Variants in CYFIP2 observed in about 807,000 individuals in gnomAD.
The protein encoded by CYFIP2 is cytoplasmic FMR1 interacting protein 2, also known as cytoplasmic FMR1-interacting protein 2.
A neutral mutation model predicts 158.7 loss-of-function variants in CYFIP2; 29 were observed. The observed-to-expected ratio is 0.18, with a 90% CI of 0.14 to 0.25. The LOEUF is 0.25. Ranked by LOEUF, CYFIP2 falls within the 10% of genes least tolerant of loss-of-function variation. The probability of loss-of-function intolerance (pLI) is 1.00; values close to 1 mark genes in which losing one functional copy is unlikely to be tolerated. For synonymous variants in CYFIP2, 585 were observed against 617.6 expected (o/e 0.95, Z 0.78); for missense variants, 852 against 1,639.5 (o/e 0.52, Z 8.29).
At chr5:157,390,188 T>C (rs749124500) in intron 29 of CYFIP2, among the ~76,000 whole-genome samples, 1 of 152,214 alleles carries the variant, frequency 6.6e-6, no homozygotes, top group Non-Finnish European at 1.5e-5. Flanking sequence ...GATTCTCCTT[T>C]GACCTGCACG....
intron 7 of CYFIP2, among the ~76,000 whole-genome samples, chr5:157,303,814 C>A (rs1313816649): frequency 6.6e-6 from 1 of 151,776 alleles, no homozygotes; most frequent in Non-Finnish European, 1.5e-5. Flanking sequence ...GAGGGAGACA[C>A]CTGCCCCCCT....
chr5:157,355,464 C>G lies in CYFIP2; in HGVS notation c.2674-3541C>G, dbSNP rs558564880. Among the ~76,000 whole-genome samples the G allele has an allele frequency of 5.3e-5, 8 of 152,232 alleles. No homozygotes were observed. The South Asian group carries it at 1.5e-3, about 28-fold the overall frequency. On this transcript the variant is annotated intron_variant, in intron 23 of 30. Coordinates refer to ENST00000620254, the MANE Select transcript of CYFIP2 (RefSeq NM_001037333.3). ...GATCACATTTAAACCTCAAACAACC[C>G]TATTGGATTTGGTATTATCATCTCT...
intron 23 of CYFIP2, among the ~76,000 whole-genome samples, chr5:157,349,222 C>G (rs1369622530): frequency 6.6e-6 from 1 of 152,164 alleles, no homozygotes; most frequent in East Asian, 1.9e-4. Context: ...GTGCACCCAT[C>G]ATACGAGCAG....
intron 12 of CYFIP2, 61 bp downstream of exon 12, chr5:157,314,524 T>C (rs1759983676): frequency 1.3e-6 from 2 of 1,579,774 alleles, no homozygotes; most frequent in East Asian, 4.5e-5. Context: ...TCTGCCTCCA[T>C]CTCCCCCTAG....
At chr5:157,351,503 G>A (rs1232606129) in intron 23 of CYFIP2, among the ~76,000 whole-genome samples, 1 of 149,548 alleles carries the variant, frequency 6.7e-6, no homozygotes, top group East Asian at 1.9e-4. Flanking sequence ...CATTTAACAT[G>A]TGTGTTCTCG....
At chr5:157,295,501 A>T (rs1215309344) in intron 4 of CYFIP2, among the ~76,000 whole-genome samples, 1 of 152,226 alleles carries the variant, frequency 6.6e-6, no homozygotes, top group Non-Finnish European at 1.5e-5. Flanking sequence ...TCTAGGCCCC[A>T]GCAATAACTA....
intron 26 of CYFIP2, among the ~76,000 whole-genome samples, chr5:157,367,304 T>G (rs1455527560): frequency 1.3e-5 from 2 of 152,212 alleles, no homozygotes; most frequent in Non-Finnish European, 2.9e-5. Context: ...ATTCCAGTAG[T>G]ACCCTTCATT....
intron 26 of CYFIP2, among the ~76,000 whole-genome samples, chr5:157,374,744 G>T (rs1765304409): frequency 6.6e-6 from 1 of 152,170 alleles, no homozygotes; most frequent in African/African-American, 2.4e-5. Flanking sequence ...CTTTTTCAAG[G>T]CAGCATGGGG....
Position 157,311,947 on chromosome 5 carries a change from G to A in CYFIP2, c.1110+166G>A, listed in dbSNP as rs535067349. 2.6e-5 allele frequency among the ~76,000 whole-genome samples: 4 copies of A among 152,346 alleles called. No homozygotes were observed. The highest frequency in any genetic ancestry group is 6.5e-5 in the Admixed American group (1 of 15,306). On this transcript the variant is annotated intron_variant, in intron 11 of 30. Transcript: ENST00000620254. This position sits in a 1 kb window ranked among gnomAD's most constrained non-coding sequence, Gnocchi z 4.7. Reference sequence around the variant, plus strand: ...GGGTTTTGGAGCCAGGCAGACTGGGGTGAATTCTGGTGGTGCTGCTGCCCT... The same window carrying A: ...GGGTTTTGGAGCCAGGCAGACTGGGATGAATTCTGGTGGTGCTGCTGCCCT...
chr5:157,283,372 C>G (rs982857031), intron 1 of CYFIP2, among the ~76,000 whole-genome samples: 2 of 152,058 alleles, frequency 1.3e-5, no homozygotes, highest in Non-Finnish European at 2.9e-5. Context: ...ATCATTATGC[C>G]CAGTAAAATC....
At chr5:157,367,447 G>T (rs1464485475) in intron 26 of CYFIP2, among the ~76,000 whole-genome samples, 1 of 152,212 alleles carries the variant, frequency 6.6e-6, no homozygotes, top group Non-Finnish European at 1.5e-5. Flanking sequence ...AGAGGGAGCT[G>T]ATTTTCCCAG....
chr5:157,343,108 C>T (rs371022192), intron 23 of CYFIP2: 16 of 1,614,042 alleles, frequency 9.9e-6, no homozygotes, highest in Admixed American at 1.7e-5. Flanking sequence ...AAGACCATCG[C>T]GGCTCATGGC....
chr5:157,383,991 A>G (rs1766388902), intron 28 of CYFIP2, among the ~76,000 whole-genome samples: 1 of 152,194 alleles, frequency 6.6e-6, no homozygotes, highest in Non-Finnish European at 1.5e-5. Flanking sequence ...CAACAAAACC[A>G]TATAAAACTC....
intron 1 of CYFIP2, among the ~76,000 whole-genome samples, chr5:157,276,622 A>G (rs1024301047): frequency 6.6e-6 from 1 of 152,326 alleles, no homozygotes; most frequent in Non-Finnish European, 1.5e-5. Flanking sequence ...GATAGGAACT[A>G]TCATTATCCC....
chr5:157,350,643 C>A (rs1328074880), intron 23 of CYFIP2, among the ~76,000 whole-genome samples: 1 of 152,054 alleles, frequency 6.6e-6, no homozygotes, highest in African/African-American at 2.4e-5. Flanking sequence ...TTAGCATTGT[C>A]TATTCTAGTT....
At chr5:157,276,178 A>G (rs536556874) in intron 1 of CYFIP2, among the ~76,000 whole-genome samples, 2 of 152,332 alleles carry the variant, frequency 1.3e-5, no homozygotes, top group Non-Finnish European at 2.9e-5. Flanking sequence ...AACTGCCAGT[A>G]CAATGTTGAA....
chr5:157,302,459 AG>A, intron 6 of CYFIP2, among the ~76,000 whole-genome samples: 1 of 152,284 alleles, frequency 6.6e-6, no homozygotes, highest in South Asian at 2.1e-4. Context: ...AGGTCACAGG[AG>A]GGTACAAGGA....
chr5:157,345,379 A>G (rs1421195607), intron 23 of CYFIP2: 1 of 152,458 alleles, frequency 6.6e-6, no homozygotes, highest in Non-Finnish European at 1.5e-5. Context: ...TAGCATCCTC[A>G]CCTTTTAGGA....
intron 22 of CYFIP2, among the ~76,000 whole-genome samples, chr5:157,340,466 T>G (rs1762170216): frequency 6.6e-6 from 1 of 152,250 alleles, no homozygotes; most frequent in Non-Finnish European, 1.5e-5. Flanking sequence ...TTGCTGACTG[T>G]TTTTGTAAAG....
Sources: gnomAD v4.1 joint callset for allele counts (sites outside exome capture counted in the v4.1 genomes callset) on GRCh38, gnomAD v4.1.1 for gene constraint, Gnocchi (gnomAD v3.1) non-coding constraint, MANE v1.5 for transcripts, NCBI Gene and HGNC (gene_info 2026-07-23, HGNC 2026-07-21) for gene names.